The following LIMCH1 variants were observed in gnomAD, a reference collection of about 807,000 sequenced individuals.
LIMCH1 encodes the protein LIM and calponin homology domains 1, also known as LIM and calponin homology domains-containing protein 1.
A neutral mutation model predicts 176.5 loss-of-function variants in LIMCH1; 113 were observed. That is an observed-to-expected ratio of 0.64 (90% CI 0.55 to 0.75). The LOEUF (loss-of-function observed/expected upper bound fraction) is 0.75. Ranked by LOEUF, LIMCH1 falls within the 30% of genes least tolerant of loss-of-function variation. The pLI is 0.00. For synonymous variants in LIMCH1, 619 were observed against 645.9 expected (o/e 0.96, Z 0.63); for missense variants, 1,674 against 1,814.9 (o/e 0.92, Z 1.41).
At chr4:41,615,477 A>G (rs1375344293) in intron 5 of LIMCH1, among the ~76,000 whole-genome samples, 1 of 152,222 alleles carries the variant, frequency 6.6e-6, no homozygotes. Flanking sequence ...AGAGCTTCAC[A>G]AACACCATCC....
intron 1 of LIMCH1, among the ~76,000 whole-genome samples, chr4:41,588,238 TA>T (rs1193470770): frequency 1.3e-5 from 2 of 152,200 alleles, no homozygotes; most frequent in African/African-American, 4.8e-5. Context: ...ATATTCTTTT[TA>T]AAAAATAATT....
At chr4:41,649,428 G>A (rs904917215) in intron 17 of LIMCH1, among the ~76,000 whole-genome samples, 7 of 151,946 alleles carry the variant, frequency 4.6e-5, no homozygotes, top group African/African-American at 1.7e-4. Flanking sequence ...TAAATAAGAG[G>A]CCTAATGATA....
chr4:41,687,578 T>A, intron 28 of LIMCH1, among the ~76,000 whole-genome samples: 1 of 152,108 alleles, frequency 6.6e-6, no homozygotes, highest in East Asian at 1.9e-4. Context: ...TTATAAAAAA[T>A]TCTGTCTTTT....
rs532719132 is a variant in LIMCH1, at chr4:41,699,750, G to A, written c.*2565G>A. ...GGGTAACTTTTTGTTTTTCACTAGC[G>A]AACTTCCATGACATTTCCTTTCTAT... On this transcript the variant is annotated 3_prime_UTR_variant, in exon 32 of 32. Coordinates refer to ENST00000503057, the MANE Select transcript of LIMCH1 (RefSeq NM_001330672.2). The A allele has an allele frequency of 1.3e-5, 2 of 151,920 alleles. No individual in the cohort carries two copies. Among genetic ancestry groups the A allele is most frequent in the African/African-American group, 2.4e-5 (1 of 41,364 alleles). 9.4% of individuals were successfully genotyped at this position (151,920 alleles called of 1,614,324 possible).
At chr4:41,454,939 C>CGT (rs1561424944) in intron 1 of LIMCH1, among the ~76,000 whole-genome samples, 273 of 130,558 alleles carry the variant, frequency 2.1e-3, no homozygotes, top group Middle Eastern at 0.011. Context: ...TGTATGCGTA[C>CGT]ATGTGTGTGT....
intron 29 of LIMCH1, 114 bp downstream of exon 29, chr4:41,688,031 A>G: frequency 1.3e-6 from 1 of 787,514 alleles, no homozygotes; most frequent in Non-Finnish European, 2.2e-6. Context: ...GTGTCCATCC[A>G]CATCTCTTCC....
chr4:41,619,965 G>T (rs1490305652), intron 6 of LIMCH1: 3 of 182,706 alleles, frequency 1.6e-5, no homozygotes, highest in Admixed American at 1.1e-4. Flanking sequence ...TTATGCTTTT[G>T]TATTTATTTA....
At chr4:41,461,121 C>G (rs903432298) in intron 1 of LIMCH1, among the ~76,000 whole-genome samples, 3 of 152,152 alleles carry the variant, frequency 2.0e-5, no homozygotes, top group African/African-American at 7.2e-5. Context: ...TTCCTAAGCA[C>G]CTATTAATTT....
chr4:41,402,516 C>T (rs2058554955), intron 1 of LIMCH1, among the ~76,000 whole-genome samples: 2 of 140,804 alleles, frequency 1.4e-5, no homozygotes, highest in South Asian at 2.5e-4. Context: ...GCTATAAAGA[C>T]ACATGCACAC....
In LIMCH1 at chr4:41,633,562, C is replaced by T. The variant is rs1217492389; in HGVS notation, c.1844C>T (p.Ala615Val). The T allele has an allele frequency of 6.5e-7, 1 of 1,536,080 alleles. No individual in the cohort carries two copies. The highest frequency in any genetic ancestry group is 2.0e-5 in the Admixed American group (1 of 50,998). The stretch of plus-strand genomic sequence containing the variant: ...TGTTGCCCTAGGGTGTGTCCTCTGG[C>T]CTCTGAGTGTGAGGCTTCAGGGACA... ...DSSQPLVCPL[A>V]SECEASGTEE... The change falls in exon 13 of 32, where the codon GCC (alanine) becomes GTC (valine). Residue 615 changes from alanine (A) to valine (V), a missense_variant. This residue lies in a region of LIMCH1 where 1,015 missense variants were observed against 1,102.5 expected (regional missense o/e 0.92). Coordinates refer to ENST00000503057, the MANE Select transcript of LIMCH1 (RefSeq NM_001330672.2).
At chr4:41,432,199 G>A (rs2061665280) in intron 1 of LIMCH1, among the ~76,000 whole-genome samples, 2 of 152,236 alleles carry the variant, frequency 1.3e-5, no homozygotes, top group African/African-American at 2.4e-5. Context: ...TTATATTGCT[G>A]GCTGATGCGT....
chr4:41,620,418 C>T lies in LIMCH1; in HGVS notation c.459-6C>T, dbSNP rs2092475637. On this transcript the variant is annotated splice_polypyrimidine_tract_variant and splice_region_variant and intron_variant, in intron 6 of 31. Coordinates refer to ENST00000503057, the MANE Select transcript of LIMCH1 (RefSeq NM_001330672.2). Reference sequence around the variant, plus strand: ...GTTTGGTAAACCATATTGTCCAACTCACTAGCTTTCCTGAAACGATAGAGG... The same window carrying T: ...GTTTGGTAAACCATATTGTCCAACTTACTAGCTTTCCTGAAACGATAGAGG... 3.9e-6 allele frequency: 6 copies of T among 1,535,132 alleles called. No individual in the cohort carries two copies. Among genetic ancestry groups the T allele is most frequent in the East Asian group, 4.9e-5 (2 of 40,926 alleles).
intron 14 of LIMCH1, among the ~76,000 whole-genome samples, chr4:41,641,714 T>G (rs1169932345): frequency 6.6e-6 from 1 of 152,200 alleles, no homozygotes; most frequent in Non-Finnish European, 1.5e-5. Context: ...GAAACAAAGT[T>G]TTGGCTGCAC....
At chr4:41,515,352 G>T (rs1278187635) in intron 2 of LIMCH1, among the ~76,000 whole-genome samples, 1 of 152,216 alleles carries the variant, frequency 6.6e-6, no homozygotes, top group African/African-American at 2.4e-5. Context: ...ATGGAGGCCT[G>T]TCCTTCAGAA....
At chr4:41,652,168 C>T (rs937617708) in intron 18 of LIMCH1, among the ~76,000 whole-genome samples, 1 of 152,108 alleles carries the variant, frequency 6.6e-6, no homozygotes, top group African/African-American at 2.4e-5. Flanking sequence ...CGTTGTGTGA[C>T]CCAGCTAGCT....
chr4:41,422,377 G>A (rs960848877), intron 1 of LIMCH1, among the ~76,000 whole-genome samples: 1 of 152,130 alleles, frequency 6.6e-6, no homozygotes, highest in South Asian at 2.1e-4. Context: ...TAGTAGTGAC[G>A]AGGTTTCACG....
At chr4:41,510,316 T>C (rs184651802) in intron 2 of LIMCH1, among the ~76,000 whole-genome samples, 146 of 152,326 alleles carry the variant, frequency 9.6e-4, no homozygotes, top group African/African-American at 3.5e-3. Flanking sequence ...GGACTGCTCA[T>C]GTGGTAGATG....
chr4:41,427,157 T>G (rs1289850455), intron 1 of LIMCH1, among the ~76,000 whole-genome samples: 1 of 152,144 alleles, frequency 6.6e-6, no homozygotes, highest in African/African-American at 2.4e-5. Context: ...TCTTGCAAAA[T>G]TTGGAGAGGA....
intron 1 of LIMCH1, among the ~76,000 whole-genome samples, chr4:41,364,621 G>A (rs2052689528): frequency 6.6e-6 from 1 of 152,156 alleles, no homozygotes; most frequent in African/African-American, 2.4e-5. Context: ...GATCTTGGTA[G>A]TCCATCAAAG....
Sources: allele counts gnomAD v4.1 joint callset (sites outside exome capture counted in the v4.1 genomes callset), GRCh38; gene constraint gnomAD v4.1.1; regional missense constraint gnomAD v4.1.1; transcripts MANE v1.5; gene names NCBI Gene and HGNC (gene_info 2026-07-23, HGNC 2026-07-21).